Variants in KCNN3 observed in about 807,000 individuals in gnomAD.
KCNN3 encodes potassium calcium-activated channel subfamily N member 3.
In KCNN3, 16 loss-of-function variants were observed where a neutral mutation model predicts 62.9. The ratio of observed to expected loss-of-function variants is 0.25; its 90% CI spans 0.17 to 0.39. The LOEUF (loss-of-function observed/expected upper bound fraction) is 0.39. Among genes scored for constraint, KCNN3 ranks in the 10% least tolerant of loss-of-function variants. KCNN3 has a pLI of 1.00. For synonymous variants in KCNN3, 370 were observed against 389.2 expected, an observed-to-expected ratio of 0.95 and a Z score of 0.58; for missense variants, 599 against 949.4, an observed-to-expected ratio of 0.63 and a Z score of 4.85.
rs775910318 is a variant in KCNN3 at position 154,725,942 on chromosome 1, T to C, written c.1675A>G (p.Met559Val). Residue 559 changes from methionine (M) to valine (V), a missense_variant, in exon 5 of 8, where the codon ATG (methionine) becomes GTG (valine). Met to Val is a conservative substitution (Grantham distance 21). This residue lies in a region of KCNN3 where 288 missense variants were observed against 557.4 expected (regional missense o/e 0.52). Transcript: ENST00000271915. ...TKAEKHVHNF[M>V]MDTQLTKRIK... Reference sequence around the variant, plus strand: ...CGCTTGGTGAGCTGAGTGTCCATCATGAAGTTATGAACGTGCTTCTCCGCT... The same window carrying C: ...CGCTTGGTGAGCTGAGTGTCCATCACGAAGTTATGAACGTGCTTCTCCGCT... 6.2e-7 allele frequency: 1 copy of C among 1,613,904 alleles called. No individual in the cohort carries two copies. Among genetic ancestry groups the C allele is most frequent in the Non-Finnish European group, 8.5e-7 (1 of 1,179,926 alleles).
chr1:154,842,399 G>C (rs184261675), intron 1 of KCNN3, among the ~76,000 whole-genome samples: 158 of 152,280 alleles, frequency 1.0e-3, no homozygotes, highest in African/African-American at 3.5e-3. Flanking sequence ...AGGCCGAGGA[G>C]AGGGGCCCTG....
chr1:154,763,530 T>C (rs1349302064), intron 3 of KCNN3, among the ~76,000 whole-genome samples: 1 of 152,152 alleles, frequency 6.6e-6, no homozygotes, highest in Non-Finnish European at 1.5e-5. Context: ...GTGCACACCA[T>C]TGTGCCTGAA....
chr1:154,737,583 T>C (rs891261388), intron 3 of KCNN3, among the ~76,000 whole-genome samples: 5 of 151,990 alleles, frequency 3.3e-5, no homozygotes, highest in African/African-American at 1.2e-4. Flanking sequence ...ATACAGACCA[T>C]TCACAGAGAG....
At chr1:154,835,422 C>A (rs1405529685) in intron 1 of KCNN3, among the ~76,000 whole-genome samples, 1 of 152,218 alleles carries the variant, frequency 6.6e-6, no homozygotes, top group East Asian at 1.9e-4. Context: ...TGCCCCCACA[C>A]CTGCCAGCTT....
intron 7 of KCNN3, among the ~76,000 whole-genome samples, chr1:154,711,634 G>T (rs1271614113): frequency 6.6e-6 from 1 of 152,120 alleles, no homozygotes; most frequent in Non-Finnish European, 1.5e-5. Context: ...GGGGCAGTTT[G>T]TTGGGCTATT....
intron 5 of KCNN3, among the ~76,000 whole-genome samples, chr1:154,722,372 G>T (rs1040959432): frequency 3.4e-5 from 5 of 147,846 alleles, no homozygotes; most frequent in African/African-American, 1.3e-4. Flanking sequence ...GTTATGAATA[G>T]ACTGAGCTTA....
chr1:154,789,252 C>T (rs1479683415), intron 2 of KCNN3, among the ~76,000 whole-genome samples: 4 of 152,180 alleles, frequency 2.6e-5, no homozygotes. Context: ...CGGTAGCTTC[C>T]TCTGCCTCCC....
rs1452110481 is a variant in KCNN3 at position 154,772,975 on chromosome 1, T to G, written c.1030-582A>C. Among the ~76,000 whole-genome samples the G allele has an allele frequency of 6.6e-6, 1 of 152,118 alleles. No homozygotes were observed. The highest frequency in any genetic ancestry group is 1.9e-4 in the East Asian group (1 of 5,190). On this transcript the variant is annotated intron_variant, in intron 2 of 7. Transcript: ENST00000271915. The surrounding 1 kb of genome is among the most constrained non-coding windows in gnomAD (Gnocchi z 5.6). Reference sequence around the variant, plus strand: ...TCAATTATGTCGGTGTAATGAAACCTCCACAAAATCCCAAAAAGACAGTGT... The same window carrying G: ...TCAATTATGTCGGTGTAATGAAACCGCCACAAAATCCCAAAAAGACAGTGT...
At chr1:154,806,841 T>A (rs1044334709) in intron 2 of KCNN3, among the ~76,000 whole-genome samples, 2 of 152,176 alleles carry the variant, frequency 1.3e-5, no homozygotes, top group African/African-American at 4.8e-5. Flanking sequence ...AAGGCTTGGG[T>A]TTCCTGCGGT....
At chr1:154,826,971 G>A (rs1410150997) in intron 1 of KCNN3, among the ~76,000 whole-genome samples, 1 of 152,198 alleles carries the variant, frequency 6.6e-6, no homozygotes, top group Non-Finnish European at 1.5e-5. Flanking sequence ...GTATGGTTGT[G>A]TGTGTGTGTG....
intron 6 of KCNN3, among the ~76,000 whole-genome samples, chr1:154,714,154 T>G (rs542328592): frequency 3.1e-5 from 4 of 129,326 alleles, no homozygotes; most frequent in African/African-American, 1.2e-4. Flanking sequence ...GTGTGTGGTA[T>G]GTATGGTGTG....
intron 1 of KCNN3, among the ~76,000 whole-genome samples, chr1:154,865,352 TA>T (rs879455650): frequency 0.011 from 1,551 of 141,528 alleles, 4 homozygotes; most frequent in Middle Eastern, 0.015. Context: ...ACCTGCCTAT[TA>T]AAAAAAAAAA....
In KCNN3 at chr1:154,737,213, G is replaced by T. The variant is rs936006175; in HGVS notation, c.1449-4069C>A. 9.5e-5 allele frequency: 26 copies of T among 274,692 alleles called. 2 individuals carry two copies. The highest frequency in any genetic ancestry group is 9.0e-4 in the East Asian group (9 of 9,978). 17.0% of individuals were successfully genotyped at this position (274,692 alleles called of 1,614,324 possible). ...TTTTTGCAATAGAAAATTTGGGGGG[G>T]GGGGATAGCTCCATGTTTTTCTTTA... On this transcript the variant is annotated intron_variant, in intron 3 of 7. Transcript: ENST00000271915.
intron 2 of KCNN3, among the ~76,000 whole-genome samples, chr1:154,801,285 G>A (rs1045417339): frequency 1.3e-4 from 20 of 152,250 alleles, no homozygotes; most frequent in Admixed American, 1.2e-3. Flanking sequence ...AAGCATCAGC[G>A]TGCAATGACA....
chr1:154,829,613 G>A (rs748818739), intron 1 of KCNN3, among the ~76,000 whole-genome samples: 1 of 152,128 alleles, frequency 6.6e-6, no homozygotes, highest in East Asian at 1.9e-4. Flanking sequence ...AGCCAGCCAG[G>A]CATCATGAGC....
intron 1 of KCNN3, among the ~76,000 whole-genome samples, chr1:154,826,456 T>C (rs1194014475): frequency 6.6e-6 from 1 of 151,432 alleles, no homozygotes; most frequent in East Asian, 1.9e-4. Context: ...AGGTAACTTG[T>C]CCAAGGGCAT....
At chr1:154,799,722 G>A (rs1415597070) in intron 2 of KCNN3, among the ~76,000 whole-genome samples, 1 of 152,216 alleles carries the variant, frequency 6.6e-6, no homozygotes, top group Non-Finnish European at 1.5e-5. Flanking sequence ...GGAGACCTGT[G>A]CCCCTACAGC....
chr1:154,861,630 G>A (rs1436686576), intron 1 of KCNN3, among the ~76,000 whole-genome samples: 3 of 152,036 alleles, frequency 2.0e-5, no homozygotes, highest in African/African-American at 7.2e-5. Flanking sequence ...CCTCCTACAG[G>A]GAATCCACCC....
intron 1 of KCNN3, among the ~76,000 whole-genome samples, chr1:154,854,151 C>T (rs933838708): frequency 9.2e-5 from 14 of 152,056 alleles, no homozygotes; most frequent in Admixed American, 2.6e-4. Flanking sequence ...AGGAGGATAG[C>T]GTGAACCCGG....
Sources: gnomAD v4.1 joint callset for allele counts (sites outside exome capture counted in the v4.1 genomes callset) on GRCh38, gnomAD v4.1.1 for gene constraint, gnomAD v4.1.1 regional missense constraint, Gnocchi (gnomAD v3.1) non-coding constraint, MANE v1.5 for transcripts, NCBI Gene and HGNC (gene_info 2026-07-23, HGNC 2026-07-21) for gene names.